Variants in ADAMTS3 observed in about 807,000 individuals in gnomAD.
ADAMTS3 encodes A disintegrin and metalloproteinase with thrombospondin motifs 3.
A neutral mutation model predicts 129.0 loss-of-function variants in ADAMTS3; 73 were observed. The observed-to-expected ratio is 0.57, with a 90% CI of 0.47 to 0.69. The LOEUF (loss-of-function observed/expected upper bound fraction) is 0.69, where lower values mean the gene tolerates loss of function less well. ADAMTS3 is among the 30% of genes least tolerant of loss of function. The pLI, the probability that ADAMTS3 is intolerant of heterozygous loss-of-function variation, is 0.00. For missense variants in ADAMTS3, 1,457 were observed against 1,514.5 expected (o/e 0.96, Z 0.63); for synonymous variants, 477 against 510.8 (o/e 0.93, Z 0.89).
chr4:72,415,747 C>T lies in ADAMTS3; in HGVS notation c.505-776G>A, dbSNP rs577195282. Among the ~76,000 whole-genome samples, 423 of 152,100 alleles carry T rather than the reference C, an allele frequency of 2.8e-3. 1 individual carries two copies. The highest frequency in any genetic ancestry group is 9.7e-3 in the African/African-American group (403 of 41,522). ...GAAAACACCAGGGCTATAGCCAGTA[C>T]TATAGCTGAAGAAAAATGATGTTTT... On this transcript the variant is annotated intron_variant, in intron 3 of 21. Coordinates refer to ENST00000286657, the MANE Select transcript of ADAMTS3 (RefSeq NM_014243.3).
chr4:72,505,397 C>T (rs1326223884), intron 3 of ADAMTS3, among the ~76,000 whole-genome samples: 2 of 152,100 alleles, frequency 1.3e-5, no homozygotes, highest in Non-Finnish European at 2.9e-5. Context: ...TGCAATTTGA[C>T]CTATAAGTCA....
At chr4:72,361,697 T>C (rs1230243154) in intron 4 of ADAMTS3, among the ~76,000 whole-genome samples, 1 of 152,102 alleles carries the variant, frequency 6.6e-6, no homozygotes, top group East Asian at 1.9e-4. Context: ...TTGTGACCCA[T>C]GATCACTGCA....
chr4:72,561,537 A>T (rs189257085), intron 2 of ADAMTS3, among the ~76,000 whole-genome samples: 2 of 152,144 alleles, frequency 1.3e-5, no homozygotes, highest in Non-Finnish European at 2.9e-5. Flanking sequence ...TGAACTTTAC[A>T]TGTAAAAGAG....
At chr4:72,394,658 A>T (rs2109897849) in intron 4 of ADAMTS3, among the ~76,000 whole-genome samples, 4 of 152,234 alleles carry the variant, frequency 2.6e-5, no homozygotes, top group African/African-American at 9.6e-5. Flanking sequence ...ATGTATGTTT[A>T]TTTTTTGCAT....
intron 2 of ADAMTS3, among the ~76,000 whole-genome samples, chr4:72,549,307 C>T (rs1278210256): frequency 6.6e-6 from 1 of 151,800 alleles, no homozygotes; most frequent in Non-Finnish European, 1.5e-5. Context: ...TCATTTTTTC[C>T]CTGTAGAAAT....
At chr4:72,367,298 C>G (rs979991765) in intron 4 of ADAMTS3, among the ~76,000 whole-genome samples, 1 of 152,108 alleles carries the variant, frequency 6.6e-6, no homozygotes, top group Admixed American at 6.5e-5. Flanking sequence ...ATCTGGTTAT[C>G]TAGCCCATAG....
At chr4:72,557,568 A>G (rs562206233) in intron 2 of ADAMTS3, among the ~76,000 whole-genome samples, 6 of 151,952 alleles carry the variant, frequency 3.9e-5, no homozygotes, top group African/African-American at 1.5e-4. Flanking sequence ...AATAAAGGTC[A>G]TGGCTTTTTT....
chr4:72,472,300 T>C (rs1370991206), intron 3 of ADAMTS3, among the ~76,000 whole-genome samples: 1 of 152,148 alleles, frequency 6.6e-6, no homozygotes, highest in Non-Finnish European at 1.5e-5. Context: ...ATTTTTCTTC[T>C]GAAAATAAGA....
At chr4:72,405,789 T>C (rs1722035496) in intron 4 of ADAMTS3, among the ~76,000 whole-genome samples, 1 of 151,996 alleles carries the variant, frequency 6.6e-6, no homozygotes, top group African/African-American at 2.4e-5. Context: ...AAGTCTCAGA[T>C]GGGGAGAGAT....
intron 10 of ADAMTS3, among the ~76,000 whole-genome samples, chr4:72,317,543 G>C (rs1374422691): frequency 1.3e-5 from 2 of 150,408 alleles, no homozygotes; most frequent in Non-Finnish European, 2.9e-5. Context: ...AATGTGAATA[G>C]TTACAGGCAA....
chr4:72,463,843 C>A (rs1158951768), intron 3 of ADAMTS3, among the ~76,000 whole-genome samples: 1 of 151,736 alleles, frequency 6.6e-6, no homozygotes, highest in Non-Finnish European at 1.5e-5. Flanking sequence ...TGCCATTAAC[C>A]AAAGAGAAGC....
intron 4 of ADAMTS3, among the ~76,000 whole-genome samples, chr4:72,366,659 T>C (rs1226850570): frequency 6.6e-6 from 1 of 152,150 alleles, no homozygotes; most frequent in Non-Finnish European, 1.5e-5. Flanking sequence ...GTGGGGACAT[T>C]AGTCCTCTTC....
intron 3 of ADAMTS3, among the ~76,000 whole-genome samples, chr4:72,530,308 A>G (rs1398218977): frequency 1.2e-5 from 1 of 84,126 alleles, no homozygotes; most frequent in Non-Finnish European, 2.0e-5. Context: ...TAATATAATT[A>G]TATATTAAAT....
chr4:72,307,437 G>T (rs950885964), intron 15 of ADAMTS3, among the ~76,000 whole-genome samples: 1 of 151,962 alleles, frequency 6.6e-6, no homozygotes, highest in Non-Finnish European at 1.5e-5. Context: ...AGCTTCTCTT[G>T]TTTCAGCAAG....
chr4:72,541,892 G>A (rs1721337472), intron 3 of ADAMTS3, among the ~76,000 whole-genome samples: 1 of 152,002 alleles, frequency 6.6e-6, no homozygotes, highest in Non-Finnish European at 1.5e-5. Flanking sequence ...CATTAAAATG[G>A]ACTAATATAC....
chr4:72,421,013 A>G (rs1470589119), intron 3 of ADAMTS3, among the ~76,000 whole-genome samples: 1 of 152,226 alleles, frequency 6.6e-6, no homozygotes, highest in East Asian at 1.9e-4. Flanking sequence ...AACAGAAATG[A>G]AGAAGAAAAG....
At chr4:72,463,735 T>C (rs1718841996) in intron 3 of ADAMTS3, among the ~76,000 whole-genome samples, 1 of 149,030 alleles carries the variant, frequency 6.7e-6, no homozygotes, top group South Asian at 2.1e-4. Flanking sequence ...TAACATACTT[T>C]CAAATAAAGA....
intron 3 of ADAMTS3, 136 bp from the exon 4 acceptor site, chr4:72,415,107 A>C (rs1482721150): frequency 1.8e-6 from 1 of 546,654 alleles, no homozygotes; most frequent in African/African-American, 2.1e-5. Context: ...GCCATAACTT[A>C]AAATAGTTTT....
At chr4:72,466,604 T>C (rs976152414) in intron 3 of ADAMTS3, among the ~76,000 whole-genome samples, 2 of 151,936 alleles carry the variant, frequency 1.3e-5, no homozygotes, top group Admixed American at 1.3e-4. Context: ...TCTAATGGTT[T>C]TGTCTTGGAT....
Sources: gnomAD v4.1 joint callset for allele counts (sites outside exome capture counted in the v4.1 genomes callset) on GRCh38, gnomAD v4.1.1 for gene constraint, MANE v1.5 for transcripts, NCBI Gene and HGNC (gene_info 2026-07-23, HGNC 2026-07-21) for gene names.